ABI3BP: variants seen among roughly 807,000 people sequenced by gnomAD.
The protein encoded by ABI3BP is ABI family member 3 binding protein, also known as target of Nesh-SH3.
Under a neutral mutation model 268.6 loss-of-function variants are expected in ABI3BP, and 216 were observed. The ratio of observed to expected loss-of-function variants is 0.80; its 90% CI spans 0.72 to 0.90. The LOEUF (loss-of-function observed/expected upper bound fraction) is 0.90. Ranked by LOEUF, ABI3BP falls within the 40% of genes least tolerant of loss-of-function variation. The probability of loss-of-function intolerance (pLI) is 0.00; values close to 1 mark genes in which losing one functional copy is unlikely to be tolerated. For missense variants in ABI3BP, 2,090 were observed against 2,182.4 expected (o/e 0.96, Z 0.84); for synonymous variants, 730 against 730.0 (o/e 1.00, Z 0.00).
intron 57 of ABI3BP, among the ~76,000 whole-genome samples, chr3:100,785,845 T>C (rs900942492): frequency 1.3e-5 from 2 of 152,204 alleles, no homozygotes; most frequent in African/African-American, 2.4e-5. Flanking sequence ...AGAGCTTTCA[T>C]TGGGGATGAA....
chr3:100,816,753 C>T lies in ABI3BP; in HGVS notation c.3164G>A (p.Arg1055Gln), dbSNP rs578078872. 1.3e-5 allele frequency: 20 copies of T among 1,535,510 alleles called. No homozygotes were observed. Among genetic ancestry groups the T allele is most frequent in the Middle Eastern group, 1.7e-4 (1 of 6,010 alleles). The change falls in exon 43 of 68, where the codon CGG becomes CAG. Residue 1055 changes from arginine to glutamine, a missense_variant. Physicochemically the swap from Arg to Gln is conservative, Grantham distance 43 (BLOSUM62 1). Transcript: ENST00000471714. ...PETTLAPKTQ[R>Q]TRRPRPRPKT... The stretch of plus-strand genomic sequence containing the variant: ...GGGTCTGGGACGGGGACGACGTGTC[C>T]GTTGTGTTTTAGGAGCTGAAGGAAG...
chr3:100,991,564 G>C (rs765530133), intron 1 of ABI3BP, among the ~76,000 whole-genome samples: 30 of 152,134 alleles, frequency 2.0e-4, no homozygotes, highest in Non-Finnish European at 2.9e-4. Context: ...AGGACAAACA[G>C]TGCACCTATG....
chr3:100,879,590 T>C (rs143534112), intron 6 of ABI3BP, among the ~76,000 whole-genome samples: 30 of 152,360 alleles, frequency 2.0e-4, no homozygotes, highest in African/African-American at 7.2e-4. Context: ...GAAAATATTC[T>C]GCTCTTCACA....
rs548066581 is a variant in ABI3BP at position 100,922,779 on chromosome 3, C to T, written c.259+3523G>A. On this transcript the variant is annotated intron_variant, in intron 2 of 67. Transcript: ENST00000471714. ...AGTGAGACCCATGTTGGATTTCTGA[C>T]CTACAACTGCAAGATAATAAATCTG... is the stretch of plus-strand genomic sequence containing the variant. Among the ~76,000 whole-genome samples the T allele has an allele frequency of 8.5e-5, 13 of 152,288 alleles. No homozygotes were observed. In the South Asian group the frequency reaches 2.3e-3, roughly 27 times the overall value.
chr3:100,992,907 C>T (rs531913612), intron 1 of ABI3BP, among the ~76,000 whole-genome samples: 1 of 152,306 alleles, frequency 6.6e-6, no homozygotes, highest in South Asian at 2.1e-4. Flanking sequence ...GGTTTCAGAA[C>T]CAGCTTCTTT....
rs1186448888 is a variant in ABI3BP at position 100,808,238 on chromosome 3, A to G, written c.3608-3T>C. ...AGCACGTGGTGTCTGCTTGGGAGCT[A>G]AAAGAAAGGATATAGGTTCGGAAAT... is the stretch of plus-strand genomic sequence containing the variant. On this transcript the variant is annotated splice_polypyrimidine_tract_variant and splice_region_variant and intron_variant, in intron 49 of 67. Transcript: ENST00000471714. 3.7e-6 allele frequency: 6 copies of G among 1,606,046 alleles called. No homozygotes were observed. The highest frequency in any genetic ancestry group is 1.3e-5 in the African/African-American group (1 of 74,656).
At chr3:100,983,659 T>C (rs2090597147) in intron 1 of ABI3BP, among the ~76,000 whole-genome samples, 1 of 152,224 alleles carries the variant, frequency 6.6e-6, no homozygotes, top group Non-Finnish European at 1.5e-5. Context: ...CAAGTATTTT[T>C]AAATAGAACT....
intron 1 of ABI3BP, among the ~76,000 whole-genome samples, chr3:100,942,672 A>G (rs2069989993): frequency 6.6e-6 from 1 of 152,098 alleles, no homozygotes; most frequent in Non-Finnish European, 1.5e-5. Context: ...GCTAGGCTCA[A>G]TTCCAGGGCT....
chr3:100,758,046 C>A (rs2095718868), intron 63 of ABI3BP, among the ~76,000 whole-genome samples: 1 of 152,072 alleles, frequency 6.6e-6, no homozygotes, highest in African/African-American at 2.4e-5. Flanking sequence ...TAAATAAAGC[C>A]TCACAGAATG....
chr3:100,911,243 C>T (rs1163158458), intron 2 of ABI3BP: 4 of 339,616 alleles, frequency 1.2e-5, no homozygotes, highest in Admixed American at 3.8e-5. Flanking sequence ...GCTACTACAT[C>T]GAGGTGGAGG....
At chr3:100,992,519 A>G (rs975627404) in intron 1 of ABI3BP, among the ~76,000 whole-genome samples, 2 of 152,212 alleles carry the variant, frequency 1.3e-5, no homozygotes, top group African/African-American at 4.8e-5. Context: ...AAAAGCCTTC[A>G]CAGACCTAGA....
intron 1 of ABI3BP, among the ~76,000 whole-genome samples, chr3:100,934,703 T>G (rs2153682931): frequency 6.6e-6 from 1 of 151,460 alleles, no homozygotes. Context: ...TATCTCATTG[T>G]GGTTTTGATT....
rs1172854028 is a variant in ABI3BP at position 100,850,645 on chromosome 3, T to G, written c.1426+15A>C. 6.3e-7 allele frequency: 1 copy of G among 1,588,000 alleles called. No individual in the cohort carries two copies. Among genetic ancestry groups the G allele is most frequent in the South Asian group, 1.1e-5 (1 of 88,366 alleles). ...GATGGAAAATAAAGTATGATTTTTC[T>G]GTTAAAAACATTACCCAGTGTTGCC... On this transcript the variant is annotated intron_variant, in intron 16 of 67. Coordinates refer to ENST00000471714, the MANE Select transcript of ABI3BP (RefSeq NM_001375547.2).
intron 2 of ABI3BP, among the ~76,000 whole-genome samples, chr3:100,918,293 CA>C: frequency 6.6e-6 from 1 of 151,442 alleles, no homozygotes; most frequent in African/African-American, 2.4e-5. Flanking sequence ...TCCACCCATC[CA>C]CCCATCCACC....
chr3:100,933,420 T>C (rs1315677446), intron 1 of ABI3BP, among the ~76,000 whole-genome samples: 2 of 151,848 alleles, frequency 1.3e-5, no homozygotes, highest in Middle Eastern at 3.2e-3. Context: ...CCAACCTCTA[T>C]ACCTACTCAG....
At chr3:100,809,584 T>C (rs544391984) in intron 49 of ABI3BP, among the ~76,000 whole-genome samples, 1 of 152,212 alleles carries the variant, frequency 6.6e-6, no homozygotes, top group Non-Finnish European at 1.5e-5. Flanking sequence ...TGTGGATTTC[T>C]TTTAGTTAAA....
At chr3:100,861,083 T>C (rs2098993314) in intron 14 of ABI3BP, among the ~76,000 whole-genome samples, 1 of 152,186 alleles carries the variant, frequency 6.6e-6, no homozygotes, top group South Asian at 2.1e-4. Context: ...CCCACTTTAG[T>C]TAATTGCACT....
At chr3:100,900,935 C>T (rs947367703) in intron 3 of ABI3BP, among the ~76,000 whole-genome samples, 30 of 152,104 alleles carry the variant, frequency 2.0e-4, no homozygotes, top group African/African-American at 7.2e-4. Flanking sequence ...CTTGACATTC[C>T]TTACATAATT....
chr3:100,808,384 G>C (rs937719439), intron 49 of ABI3BP, 149 bp from the exon 50 acceptor site: 3 of 492,846 alleles, frequency 6.1e-6, no homozygotes, highest in African/African-American at 6.0e-5. Context: ...GTATAGGAAG[G>C]TAACTTTTTT....
Sources: gnomAD v4.1 joint callset for allele counts (sites outside exome capture counted in the v4.1 genomes callset) on GRCh38, gnomAD v4.1.1 for gene constraint, MANE v1.5 for transcripts, NCBI Gene and HGNC (gene_info 2026-07-23, HGNC 2026-07-21) for gene names.